Variants in CDH7 observed in about 807,000 individuals in gnomAD.
CDH7 encodes the protein cadherin-7.
In CDH7, 25 loss-of-function variants were observed where a neutral mutation model predicts 71.8. The observed-to-expected ratio is 0.35, with a 90% CI of 0.25 to 0.49. CDH7 has a LOEUF of 0.49. Among genes scored for constraint, CDH7 ranks in the 20% least tolerant of loss-of-function variants. CDH7 has a pLI of 0.99. For synonymous variants in CDH7, 381 were observed against 363.8 expected (o/e 1.05, Z -0.54); for missense variants, 862 against 974.6 (o/e 0.88, Z 1.54).
At chr18:65,757,163 G>A (rs1056798006) in intron 1 of CDH7, among the ~76,000 whole-genome samples, 5 of 151,992 alleles carry the variant, frequency 3.3e-5, no homozygotes, top group Non-Finnish European at 7.4e-5. Flanking sequence ...GAGATGTCAA[G>A]TGGAGGAGAA....
intron 2 of CDH7, among the ~76,000 whole-genome samples, chr18:65,795,297 C>G (rs1418451428): frequency 6.6e-6 from 1 of 152,044 alleles, no homozygotes; most frequent in Admixed American, 6.6e-5. Context: ...TCAGTTGGCA[C>G]TTTTTTTCCC....
chr18:65,837,283 T>C (rs1912563158), intron 6 of CDH7, among the ~76,000 whole-genome samples: 1 of 152,160 alleles, frequency 6.6e-6, no homozygotes, highest in Non-Finnish European at 1.5e-5. Flanking sequence ...CGAGACTCAG[T>C]CCAAACTCAC....
At position 65,888,180 on chromosome 18, in the gene CDH7, A is replaced by C. The variant is rs570496133; in HGVS notation, c.*7286A>C. 1.3e-5 allele frequency: 2 copies of C among 152,346 alleles called. No individual in the cohort carries two copies. The highest frequency in any genetic ancestry group is 3.9e-4 in the East Asian group (2 of 5,188). 9.4% of individuals were successfully genotyped at this position (152,346 alleles called of 1,614,324 possible). ...ACAATATTCAGTATTGGAGATGTTT[A>C]AAACAAATATAAGAAAGAGTACTGT... On this transcript the variant is annotated 3_prime_UTR_variant, in exon 12 of 12. Coordinates refer to ENST00000397968, the MANE Select transcript of CDH7 (RefSeq NM_004361.5).
chr18:65,752,564 T>C (rs1915913884), intron 1 of CDH7, among the ~76,000 whole-genome samples: 1 of 152,224 alleles, frequency 6.6e-6, no homozygotes, highest in South Asian at 2.1e-4. Flanking sequence ...GTTCTATATG[T>C]CAAGGGGAAA....
At chr18:65,834,456 A>C (rs1912464131) in intron 6 of CDH7, among the ~76,000 whole-genome samples, 1 of 152,222 alleles carries the variant, frequency 6.6e-6, no homozygotes, top group Non-Finnish European at 1.5e-5. Flanking sequence ...GGCTTTAGAC[A>C]TTTCTTGGTG....
chr18:65,758,866 G>A (rs1213576778), intron 1 of CDH7, among the ~76,000 whole-genome samples: 1 of 152,208 alleles, frequency 6.6e-6, no homozygotes, highest in Admixed American at 6.5e-5. Flanking sequence ...TGTCAATTAT[G>A]TGCCTACTTC....
At chr18:65,859,973 A>G (rs146842577) in intron 10 of CDH7, 148 bp downstream of exon 10, 2 of 565,468 alleles carry the variant, frequency 3.5e-6, no homozygotes, top group Non-Finnish European at 6.3e-6. Flanking sequence ...ATTTTTATCT[A>G]TGGATTTACT....
At chr18:65,786,417 C>T (rs915573675) in intron 2 of CDH7, among the ~76,000 whole-genome samples, 10 of 152,078 alleles carry the variant, frequency 6.6e-5, no homozygotes, top group Non-Finnish European at 8.8e-5. Context: ...AACCGCCCCC[C>T]CAGTTCTTGG....
chr18:65,829,309 G>A (rs921656338), intron 6 of CDH7, among the ~76,000 whole-genome samples: 18 of 151,936 alleles, frequency 1.2e-4, no homozygotes, highest in Admixed American at 3.9e-4. Flanking sequence ...TAGTAGAGAC[G>A]GGGTTTCACC....
In CDH7 at chr18:65,881,095, A is replaced by T. The variant is rs915942082; in HGVS notation, c.*201A>T. ...TATCTTCATTAGACTTATCTAAAGG[A>T]CTGCACTGACCACAGACTCTGAGCA... On this transcript the variant is annotated 3_prime_UTR_variant, in exon 12 of 12. Transcript: ENST00000397968. 1 of 504,694 alleles carries T rather than the reference A, an allele frequency of 2.0e-6. No homozygotes were observed. Among genetic ancestry groups the T allele is most frequent in the African/African-American group, 1.9e-5 (1 of 51,658 alleles). The allele number at this position is 504,694 out of a possible 1,614,324, so 31.3% of individuals were successfully genotyped here.
At chr18:65,812,262 A>G (rs1033522754) in intron 3 of CDH7, among the ~76,000 whole-genome samples, 4 of 151,918 alleles carry the variant, frequency 2.6e-5, no homozygotes, top group African/African-American at 9.7e-5. Flanking sequence ...CCTGGCCCAT[A>G]TCACAGTGCT....
At chr18:65,829,118 G>GTTTTGGTTTGTTTTTGT (rs1912238566) in intron 6 of CDH7, among the ~76,000 whole-genome samples, 1 of 149,920 alleles carries the variant, frequency 6.7e-6, no homozygotes, top group African/African-American at 2.4e-5. Context: ...TGTCATTTTT[G>GTTTTGGTTTGTTTTTGT]TTTTGTTTTG....
At position 65,774,253 on chromosome 18, in the gene CDH7, G is replaced by A. The variant is rs1006787258; in HGVS notation, c.210+11201G>A. ...AGGAAAACAATCTAAGAAAAAATAG[G>A]ATTTGAGACTCAATATATATGATTA... On this transcript the variant is annotated intron_variant, in intron 2 of 11. Transcript: ENST00000397968. 4.0e-5 allele frequency among the ~76,000 whole-genome samples: 6 copies of A among 151,684 alleles called. No homozygotes were observed. The East Asian group carries it at 7.7e-4, about 20-fold the overall frequency.
At chr18:65,757,580 T>C (rs1320122554) in intron 1 of CDH7, among the ~76,000 whole-genome samples, 2 of 152,094 alleles carry the variant, frequency 1.3e-5, no homozygotes, top group Non-Finnish European at 2.9e-5. Flanking sequence ...CAAAAACATT[T>C]TAAATCTTCC....
chr18:65,834,780 G>A (rs187075105), intron 6 of CDH7, among the ~76,000 whole-genome samples: 36 of 152,258 alleles, frequency 2.4e-4, no homozygotes, highest in African/African-American at 7.0e-4. Context: ...ACTTCTTCCC[G>A]ACTGTTTAAT....
intron 2 of CDH7, among the ~76,000 whole-genome samples, chr18:65,796,462 C>T (rs907486339): frequency 1.3e-5 from 2 of 152,150 alleles, no homozygotes; most frequent in Admixed American, 6.5e-5. Context: ...GTCTCCCATG[C>T]CTTGTGCAGT....
chr18:65,821,129 A>C (rs1599029485), intron 4 of CDH7, among the ~76,000 whole-genome samples: 1 of 26,022 alleles, frequency 3.8e-5, no homozygotes, highest in Non-Finnish European at 2.1e-4. Context: ...ACAAACAAAC[A>C]AACAAAAAAA....
chr18:65,759,803 G>A (rs1159486224), intron 1 of CDH7, among the ~76,000 whole-genome samples: 1 of 152,174 alleles, frequency 6.6e-6, no homozygotes, highest in Non-Finnish European at 1.5e-5. Context: ...AGTCCAGACT[G>A]TGTGCTTCGT....
At chr18:65,801,111 G>T (rs113459447) in intron 2 of CDH7, among the ~76,000 whole-genome samples, 11 of 152,128 alleles carry the variant, frequency 7.2e-5, no homozygotes, top group African/African-American at 1.9e-4. Context: ...TGAAGGCGGG[G>T]GTTACTTGAT....
Sources: gnomAD v4.1 joint callset for allele counts (sites outside exome capture counted in the v4.1 genomes callset) on GRCh38, gnomAD v4.1.1 for gene constraint, MANE v1.5 for transcripts, NCBI Gene and HGNC (gene_info 2026-07-23, HGNC 2026-07-21) for gene names.